IL4I1: variants seen among roughly 807,000 people sequenced by gnomAD.
IL4I1 encodes the protein L-amino-acid oxidase.
Under a neutral mutation model 29.7 loss-of-function variants are expected in IL4I1, and 24 were observed. The ratio of observed to expected loss-of-function variants is 0.81; its 90% CI spans 0.59 to 1.14. The LOEUF is 1.14. IL4I1 is among the 50% of genes most tolerant of loss of function. The probability of loss-of-function intolerance (pLI) is 0.00; values close to 1 mark genes in which losing one functional copy is unlikely to be tolerated. For synonymous variants in IL4I1, 371 were observed against 352.5 expected, an observed-to-expected ratio of 1.05 and a Z score of -0.59; for missense variants, 686 against 785.6, an observed-to-expected ratio of 0.87 and a Z score of 1.52.
upstream of IL4I1, among the ~76,000 whole-genome samples, chr19:49,900,654 G>A (rs1046435468): frequency 3.9e-5 from 6 of 152,080 alleles, no homozygotes; most frequent in Non-Finnish European, 7.4e-5. Flanking sequence ...AGGGATGAGG[G>A]TGGAATTAGG....
In IL4I1 at chr19:49,925,473, T is replaced by C. The variant is rs1333063011; in HGVS notation, c.-228+2221A>G. Among the ~76,000 whole-genome samples the C allele has an allele frequency of 3.4e-5, 5 of 147,844 alleles. No individual in the cohort carries two copies. In the East Asian group the frequency reaches 8.0e-4, roughly 24 times the overall value. On this transcript the variant is annotated intron_variant, in intron 2 of 9. Transcript: ENST00000341114. ...CCAAAAAAAAAAAAAAATAGCATCCTACCTGGCCATCCTCTCAATATCCCG... is the reference window on the plus strand; with the variant it reads ...CCAAAAAAAAAAAAAAATAGCATCCCACCTGGCCATCCTCTCAATATCCCG...
At chr19:49,898,177 C>T (rs927034524), upstream of IL4I1, among the ~76,000 whole-genome samples, 16 of 151,478 alleles carry the variant, frequency 1.1e-4, no homozygotes, top group South Asian at 2.1e-4. Context: ...AAAAATTAGC[C>T]GGGCATGGTG....
At chr19:49,916,904 G>A (rs113493051) in intron 2 of IL4I1, among the ~76,000 whole-genome samples, 24,085 of 152,290 alleles carry the variant, frequency 0.16, 2,463 homozygotes, top group Non-Finnish European at 0.23. Context: ...CTGGGCGGCT[G>A]AGCGAGACCC....
chr19:49,901,509 C>A (rs185200485), upstream of IL4I1: 18 of 533,520 alleles, frequency 3.4e-5, no homozygotes, highest in Non-Finnish European at 4.8e-5. Flanking sequence ...GGGGAAGGGA[C>A]TCAGGGATCG....
chr19:49,912,411 C>T (rs559300782), intron 2 of IL4I1, among the ~76,000 whole-genome samples: 11 of 152,244 alleles, frequency 7.2e-5, no homozygotes, highest in South Asian at 2.1e-4. Flanking sequence ...TCAGGTGATC[C>T]GCTTGCCTCG....
intron 1 of IL4I1, among the ~76,000 whole-genome samples, 189 bp from the exon 2 acceptor site, chr19:49,896,371 C>A (rs1008887677): frequency 1.3e-5 from 2 of 152,094 alleles, no homozygotes; most frequent in African/African-American, 4.8e-5. Context: ...CCCTCCTCAC[C>A]GGTCTCCACC....
chr19:49,905,195 A>G (rs1358020009), intron 2 of IL4I1, among the ~76,000 whole-genome samples: 1 of 152,258 alleles, frequency 6.6e-6, no homozygotes, highest in Non-Finnish European at 1.5e-5. Context: ...AATAATATGC[A>G]AAATAATAGG....
rs1413053087 is a variant in IL4I1, at chr19:49,921,671, AC to A, written c.-228+6022del. ...GACCTCAAAACTCTCCATGGGGGGT[AC>A]CCCTCTGCCCATTGAGGGGGCACCT... On this transcript the variant is annotated intron_variant, in intron 2 of 9. Coordinates refer to the IL4I1 transcript ENST00000341114. This position sits in a 1 kb window ranked among gnomAD's most constrained non-coding sequence, Gnocchi z 5.4. Among the ~76,000 whole-genome samples, 4 of 152,068 alleles carry A rather than the reference AC, an allele frequency of 2.6e-5. No homozygotes were observed. The highest frequency in any genetic ancestry group is 4.4e-5 in the Non-Finnish European group (3 of 67,994).
At chr19:49,896,731 G>A (rs2075216574) in intron 1 of IL4I1, 104 bp downstream of exon 1, 1 of 734,450 alleles carries the variant, frequency 1.4e-6, no homozygotes, top group Non-Finnish European at 1.7e-6. Context: ...CCCGCGCCCG[G>A]CCTCTTTTCC....
At chr19:49,916,066 C>T (rs2075615217) in intron 2 of IL4I1, among the ~76,000 whole-genome samples, 1 of 152,244 alleles carries the variant, frequency 6.6e-6, no homozygotes, top group Non-Finnish European at 1.5e-5. Context: ...TGCCAGAGCA[C>T]TGCACTGCAG....
chr19:49,895,955 G>C lies in IL4I1; in HGVS notation c.112C>G (p.Gln38Glu). 8 of 1,614,214 alleles carry C rather than the reference G, an allele frequency of 5.0e-6. 1 individual carries two copies. In the South Asian group the frequency reaches 8.8e-5, roughly 18 times the overall value. The change falls in exon 3 of 8, where the codon CAG becomes GAG. Residue 38 changes from glutamine to glutamate, a missense_variant. Gln to Glu is a conservative substitution (Grantham distance 29). Coordinates refer to ENST00000391826, the MANE Select transcript of IL4I1 (RefSeq NM_152899.2). ...RSQDPFEKCMQDPDYEQLLKV... is the reference protein window; with the variant it reads ...RSQDPFEKCMEDPDYEQLLKV... ...AGCAGCTGCTCATAGTCAGGATCCTGCATGCATTTCTCGAAGGGGTCTTGG... is the reference window on the plus strand; with the variant it reads ...AGCAGCTGCTCATAGTCAGGATCCTCCATGCATTTCTCGAAGGGGTCTTGG...
At chr19:49,914,825 C>T (rs758344775) in intron 2 of IL4I1, among the ~76,000 whole-genome samples, 2 of 146,660 alleles carry the variant, frequency 1.4e-5, no homozygotes, top group African/African-American at 2.5e-5. Context: ...CTACAACCTC[C>T]GCCTCCCGGG....
chr19:49,893,855 C>T (rs1396050394), intron 5 of IL4I1, among the ~76,000 whole-genome samples: 3 of 151,610 alleles, frequency 2.0e-5, no homozygotes, highest in South Asian at 2.1e-4. Context: ...GGCGTGGTGG[C>T]GGGCGCCTGT....
At chr19:49,911,255 G>A (rs1040547108) in intron 2 of IL4I1, 6 of 152,214 alleles carry the variant, frequency 3.9e-5, no homozygotes, top group Non-Finnish European at 8.8e-5. Flanking sequence ...GAAAGCTTGT[G>A]GTGACACGAG....
rs972030999 is a variant in IL4I1, at chr19:49,891,458, T to G, written c.583A>C (p.Lys195Gln). The change falls in exon 6 of 8, where the codon AAG becomes CAG. Residue 195 changes from lysine (K) to glutamine (Q), a missense_variant. By Grantham distance (53) the Lys-to-Gln change is moderately conservative (BLOSUM62 1). Coordinates refer to ENST00000391826, the MANE Select transcript of IL4I1 (RefSeq NM_152899.2). ...ATCGCCTTTCTGCAGCCCAGTGCCT[T>G]GAGGTCTTTGAGGGCCTGTTGTGGA... is the stretch of plus-strand genomic sequence containing the variant. ...MALNQALKDL[K>Q]ALGCRKAMKK... 3 of 1,613,964 alleles carry G rather than the reference T, an allele frequency of 1.9e-6. No homozygotes were observed. Among genetic ancestry groups the G allele is most frequent in the African/African-American group, 1.3e-5 (1 of 74,912 alleles).
Position 49,894,323 on chromosome 19 carries a change from C to T in IL4I1, c.512G>A (p.Arg171His), listed in dbSNP as rs776375305. The T allele has an allele frequency of 2.5e-5, 41 of 1,614,072 alleles. No homozygotes were observed. Among genetic ancestry groups the T allele is most frequent in the Admixed American group, 2.5e-4 (15 of 60,002 alleles). Residue 171 changes from arginine (R) to histidine (H), a missense_variant, in exon 5 of 8, where the codon CGT becomes CAT. Arg to His is a conservative substitution (Grantham distance 29, BLOSUM62 0). Coordinates refer to ENST00000391826, the MANE Select transcript of IL4I1 (RefSeq NM_152899.2). Reference protein sequence around the residue: ...KVPEKLGYALRPQEKGHSPED... With the variant: ...KVPEKLGYALHPQEKGHSPED... ...GGGCGAGTGGCCCTTTTCCTGGGGACGCAAGGCGTAGCCCAGCTTCTCGGG... is the reference window on the plus strand; with the variant it reads ...GGGCGAGTGGCCCTTTTCCTGGGGATGCAAGGCGTAGCCCAGCTTCTCGGG...
chr19:49,894,246 G>A (rs1175030708), intron 5 of IL4I1, 22 bp downstream of exon 5: 1 of 1,606,820 alleles, frequency 6.2e-7, no homozygotes, highest in Admixed American at 1.7e-5. Context: ...CAGGGCGGGA[G>A]GAGGGTGCAG....
intron 2 of IL4I1, among the ~76,000 whole-genome samples, chr19:49,906,534 A>G (rs547599397): frequency 4.6e-5 from 7 of 152,316 alleles, no homozygotes; most frequent in African/African-American, 1.7e-4. Flanking sequence ...ATTCTACGAC[A>G]TAACTGTCAC....
At chr19:49,908,421 C>A (rs760388870) in intron 2 of IL4I1, 5 of 1,613,912 alleles carry the variant, frequency 3.1e-6, no homozygotes, top group Non-Finnish European at 4.2e-6. Context: ...TCGGCGGGGG[C>A]CCCGGACGTG....
Sources: allele counts gnomAD v4.1 joint callset (sites outside exome capture counted in the v4.1 genomes callset), GRCh38; gene constraint gnomAD v4.1.1; non-coding constraint Gnocchi (gnomAD v3.1); transcripts MANE v1.5; gene names NCBI Gene and HGNC (gene_info 2026-07-23, HGNC 2026-07-21).